Variants in ERC2 observed in about 807,000 individuals in gnomAD.
ERC2 encodes ELKS/RAB6-interacting/CAST family member 2, also known as ERC protein 2.
In ERC2, 42 loss-of-function variants were observed where a neutral mutation model predicts 114.8. The observed-to-expected ratio is 0.37, with a 90% CI of 0.29 to 0.47. The LOEUF is 0.47. Among genes scored for constraint, ERC2 ranks in the 20% least tolerant of loss-of-function variants. The probability of loss-of-function intolerance (pLI) is 0.99; values close to 1 mark genes in which losing one functional copy is unlikely to be tolerated. For synonymous variants in ERC2, 454 were observed against 425.5 expected, an observed-to-expected ratio of 1.07 and a Z score of -0.82; for missense variants, 939 against 1,150.7, an observed-to-expected ratio of 0.82 and a Z score of 2.66.
chr3:55,725,580 T>C (rs2064861285), intron 15 of ERC2, among the ~76,000 whole-genome samples: 2 of 152,180 alleles, frequency 1.3e-5, no homozygotes, highest in South Asian at 4.1e-4. Flanking sequence ...CTAGTAGAGA[T>C]GATAAAACTC....
rs181794454 is a variant in ERC2, at chr3:55,650,260, C to T, written c.*39+33534G>A. Among the ~76,000 whole-genome samples, 157 of 152,326 alleles carry T rather than the reference C, an allele frequency of 1.0e-3. 3 individuals carry two copies. In the East Asian group the frequency reaches 0.021, roughly 21 times the overall value. ...GAGCGTTCCCTGCAAAAAGAGTCCT[C>T]GCAAGGCTCCCCAGTTCTCCTAGAA... On this transcript the variant is annotated intron_variant, in intron 17 of 17. Transcript: ENST00000288221.
chr3:56,115,441 G>A (rs564908086), intron 6 of ERC2, among the ~76,000 whole-genome samples: 5 of 152,132 alleles, frequency 3.3e-5, no homozygotes, highest in Admixed American at 2.0e-4. Flanking sequence ...CAAGAGTCAC[G>A]TCATTAACAT....
intron 14 of ERC2, among the ~76,000 whole-genome samples, chr3:55,772,858 AC>A (rs1299047807): frequency 1.3e-5 from 2 of 152,160 alleles, no homozygotes; most frequent in Non-Finnish European, 2.9e-5. Flanking sequence ...TAATAGCACC[AC>A]AACCTGCTCC....
chr3:55,794,986 G>A (rs975214765), intron 14 of ERC2, among the ~76,000 whole-genome samples: 2 of 152,052 alleles, frequency 1.3e-5, no homozygotes, highest in African/African-American at 4.8e-5. Context: ...GGAAATAAAT[G>A]GTTGATTTGC....
intron 10 of ERC2, among the ~76,000 whole-genome samples, chr3:55,993,735 T>C (rs1249868472): frequency 2.0e-5 from 3 of 151,944 alleles, no homozygotes; most frequent in Non-Finnish European, 4.4e-5. Context: ...TACTGGTTTA[T>C]TCCCTTTTAC....
chr3:56,010,241 C>T (rs2072810237), intron 9 of ERC2, among the ~76,000 whole-genome samples: 1 of 151,698 alleles, frequency 6.6e-6, no homozygotes, highest in African/African-American at 2.4e-5. Flanking sequence ...GTTAGCAGAG[C>T]AGAGAAGATA....
At chr3:55,641,202 A>G (rs2148655042) in intron 17 of ERC2, among the ~76,000 whole-genome samples, 1 of 152,200 alleles carries the variant, frequency 6.6e-6, no homozygotes, top group East Asian at 1.9e-4. Context: ...CATTGTTTTT[A>G]GCCCCTAGAT....
At chr3:56,032,402 C>T (rs867849158) in intron 7 of ERC2, among the ~76,000 whole-genome samples, 10 of 151,846 alleles carry the variant, frequency 6.6e-5, no homozygotes, top group African/African-American at 9.7e-5. Context: ...ACTTATGGGC[C>T]GCCATTAAGC....
chr3:55,893,717 T>C (rs992995823), intron 13 of ERC2, among the ~76,000 whole-genome samples: 1 of 152,200 alleles, frequency 6.6e-6, no homozygotes, highest in African/African-American at 2.4e-5. Flanking sequence ...CACCAACTCC[T>C]AGAGCTCTAT....
intron 3 of ERC2, among the ~76,000 whole-genome samples, chr3:56,286,426 A>T (rs1252770462): frequency 6.6e-6 from 1 of 150,564 alleles, no homozygotes; most frequent in East Asian, 1.9e-4. Context: ...AAAAAAAAAA[A>T]AAAAAAAAAA....
intron 3 of ERC2, among the ~76,000 whole-genome samples, chr3:56,200,130 T>A (rs1043202683): frequency 6.6e-6 from 1 of 152,124 alleles, no homozygotes; most frequent in Non-Finnish European, 1.5e-5. Context: ...CTATAATATT[T>A]ATACATCACC....
At chr3:55,715,833 G>T (rs2064088521) in intron 15 of ERC2, among the ~76,000 whole-genome samples, 1 of 152,144 alleles carries the variant, frequency 6.6e-6, no homozygotes, top group Non-Finnish European at 1.5e-5. Flanking sequence ...TGTGCTCAAG[G>T]GAATATACTT....
chr3:56,342,847 T>C (rs1248098975), intron 2 of ERC2, among the ~76,000 whole-genome samples: 1 of 152,174 alleles, frequency 6.6e-6, no homozygotes, highest in African/African-American at 2.4e-5. Flanking sequence ...TGATGGTCTG[T>C]GGGATGAGAA....
chr3:56,381,660 G>A (rs2059756285), intron 2 of ERC2, among the ~76,000 whole-genome samples: 1 of 151,400 alleles, frequency 6.6e-6, no homozygotes, highest in Non-Finnish European at 1.5e-5. Context: ...GCAAAGCAGA[G>A]AGGGAGGGGA....
chr3:55,825,593 T>G (rs749584434), intron 14 of ERC2, among the ~76,000 whole-genome samples: 3 of 152,162 alleles, frequency 2.0e-5, no homozygotes, highest in Admixed American at 6.5e-5. Flanking sequence ...ATCATGGCTG[T>G]TTTTTTCAAT....
intron 17 of ERC2, among the ~76,000 whole-genome samples, chr3:55,542,799 G>A (rs557979288): frequency 5.3e-5 from 8 of 152,234 alleles, no homozygotes; most frequent in African/African-American, 1.9e-4. Context: ...GTTACCTCTT[G>A]ACTAAAAGAC....
chr3:56,281,220 G>A (rs954724821), intron 3 of ERC2, among the ~76,000 whole-genome samples: 7 of 151,698 alleles, frequency 4.6e-5, no homozygotes, highest in African/African-American at 1.5e-4. Flanking sequence ...GGCGGATCAC[G>A]AGGTCAGGAG....
intron 3 of ERC2, among the ~76,000 whole-genome samples, chr3:56,201,690 C>T (rs749414828): frequency 1.3e-5 from 2 of 152,158 alleles, no homozygotes; most frequent in Non-Finnish European, 2.9e-5. Flanking sequence ...CAGTAGAAAC[C>T]CAAACTGTTA....
At chr3:56,431,754 C>T (rs960000912) in intron 2 of ERC2, among the ~76,000 whole-genome samples, 40 of 152,254 alleles carry the variant, frequency 2.6e-4, no homozygotes, top group African/African-American at 9.4e-4. Flanking sequence ...ATTGACTTTT[C>T]AAAATCTCTG....
Sources: allele counts gnomAD v4.1 joint callset (sites outside exome capture counted in the v4.1 genomes callset), GRCh38; gene constraint gnomAD v4.1.1; transcripts MANE v1.5; gene names NCBI Gene and HGNC (gene_info 2026-07-23, HGNC 2026-07-21).